Variants in LPA observed in about 807,000 individuals in gnomAD.
LPA encodes the protein lipoprotein(a).
LPA carries 199 observed loss-of-function variants against 197.9 expected under a neutral mutation model. The ratio of observed to expected loss-of-function variants is 1.01; its 90% CI spans 0.90 to 1.13. The LOEUF is 1.13. Among genes scored for constraint, LPA ranks in the 50% most tolerant of loss-of-function variants. LPA has a pLI of 0.00. For missense variants in LPA, 1,853 were observed against 1,785.8 expected (o/e 1.04, Z -0.68); for synonymous variants, 715 against 639.5 (o/e 1.12, Z -1.78).
intron 1 of LPA, among the ~76,000 whole-genome samples, chr6:160,656,624 TAC>T: frequency 6.6e-6 from 1 of 152,292 alleles, no homozygotes; most frequent in South Asian, 2.1e-4. Context: ...CTTTCTCCAG[TAC>T]ACACAGTTAC....
chr6:160,576,396 A>ACATATATATATATATATATATGTG (rs1778674275), intron 28 of LPA, among the ~76,000 whole-genome samples: 2 of 46,938 alleles, frequency 4.3e-5, no homozygotes, highest in East Asian at 2.0e-3. Flanking sequence ...ATATGTATAT[A>ACATATATATATATATATATATGTG]TATATATATA....
Position 160,589,723 on chromosome 6 carries a change from A to G in LPA, c.3788-11T>C, listed in dbSNP as rs780172483. 2.9e-5 allele frequency: 47 copies of G among 1,613,620 alleles called. No homozygotes were observed. Among genetic ancestry groups the G allele is most frequent in the Non-Finnish European group, 4.0e-5 (47 of 1,179,734 alleles). ...TTTGCTCCGTTGGTGCTGAAATTCA[A>G]AGAGGAGAAAACAAACTGAGTAATT... On this transcript the variant is annotated splice_polypyrimidine_tract_variant and intron_variant, in intron 23 of 38. Transcript: ENST00000316300.
intron 28 of LPA, among the ~76,000 whole-genome samples, chr6:160,571,360 C>G (rs1341890933): frequency 6.6e-6 from 1 of 152,072 alleles, no homozygotes; most frequent in African/African-American, 2.4e-5. Flanking sequence ...GAAACCAGGA[C>G]CCACTTGAGG....
At chr6:160,643,106 G>GTC (rs1317313779) in intron 4 of LPA, among the ~76,000 whole-genome samples, 1 of 145,690 alleles carries the variant, frequency 6.9e-6, no homozygotes, top group African/African-American at 2.5e-5. Context: ...GTGTGTGTGT[G>GTC]TGTGTGTGTA....
intron 16 of LPA, among the ~76,000 whole-genome samples, chr6:160,610,559 T>A (rs1779475681): frequency 6.6e-6 from 1 of 152,156 alleles, no homozygotes; most frequent in South Asian, 2.1e-4. Context: ...TTTGCCACAC[T>A]TTCTGTAGAA....
intron 18 of LPA, 62 bp downstream of exon 18, chr6:160,604,984 A>T: frequency 6.2e-7 from 1 of 1,605,906 alleles, no homozygotes; most frequent in Non-Finnish European, 8.5e-7. Context: ...TTGAAGCATG[A>T]CTCTACTAAC....
At chr6:160,558,671 G>A (rs1004138207) in intron 28 of LPA, among the ~76,000 whole-genome samples, 5 of 152,166 alleles carry the variant, frequency 3.3e-5, no homozygotes, top group Admixed American at 2.6e-4. Context: ...AAAGGGCGAT[G>A]GCTGGGTAGA....
intron 1 of LPA, among the ~76,000 whole-genome samples, chr6:160,651,570 T>C (rs188831110): frequency 6.6e-6 from 1 of 152,326 alleles, no homozygotes; most frequent in East Asian, 1.9e-4. Context: ...TTTCAAAGCA[T>C]AAATAATATT....
At chr6:160,592,603 T>C (rs1028063881) in intron 22 of LPA, among the ~76,000 whole-genome samples, 1 of 152,232 alleles carries the variant, frequency 6.6e-6, no homozygotes, top group South Asian at 2.1e-4. Context: ...AGTAAATTTT[T>C]AAATGCAAGT....
intron 32 of LPA, among the ~76,000 whole-genome samples, chr6:160,546,664 A>G (rs1274538267): frequency 3.9e-5 from 6 of 152,132 alleles, no homozygotes. Flanking sequence ...GGGATCTGAC[A>G]CTGTCTCCAG....
At position 160,540,150 on chromosome 6, in the gene LPA, C is replaced by A. The variant is rs768127138; in HGVS notation, c.5628G>T (p.Leu1876=). Residue 1876 remains leucine, a synonymous_variant, in exon 36 of 39, where the codon CTG becomes CTT. Transcript: ENST00000316300. ...CGAGGTTCACTTCTTGGTGTGCACC[C>A]AGGATGACCTTGTAGGATGAAGGCC... The part of the protein sequence containing the change: ...SSRPSSYKVI[L]GAHQEVNLES... 1 of 1,614,046 alleles carries A rather than the reference C, an allele frequency of 6.2e-7. No homozygotes were observed. The highest frequency in any genetic ancestry group is 1.1e-5 in the South Asian group (1 of 91,058).
intron 28 of LPA, among the ~76,000 whole-genome samples, chr6:160,571,512 G>T (rs150917031): frequency 1.6e-3 from 237 of 152,258 alleles, no homozygotes; most frequent in African/African-American, 5.4e-3. Flanking sequence ...CCAGGGAGAT[G>T]GGAGTTTTAT....
chr6:160,536,979 G>C (rs1383050373), intron 37 of LPA, among the ~76,000 whole-genome samples: 1 of 152,192 alleles, frequency 6.6e-6, no homozygotes, highest in East Asian at 1.9e-4. Context: ...AGGGATTAGA[G>C]CCAAGTGGTA....
intron 16 of LPA, among the ~76,000 whole-genome samples, chr6:160,610,426 TG>T (rs1283701857): frequency 2.0e-5 from 3 of 152,170 alleles, no homozygotes; most frequent in East Asian, 3.8e-4. Flanking sequence ...ATTGGCAATG[TG>T]TTCCGTGAGC....
chr6:160,582,317 T>C (rs73784294), intron 26 of LPA, among the ~76,000 whole-genome samples: 1,678 of 152,178 alleles, frequency 0.011, 36 homozygotes, highest in African/African-American at 0.038. Context: ...TTATCTTGTT[T>C]TCCTTCTTAC....
At chr6:160,603,921 G>A (rs1468963805) in intron 18 of LPA, among the ~76,000 whole-genome samples, 2 of 152,124 alleles carry the variant, frequency 1.3e-5, no homozygotes, top group Non-Finnish European at 2.9e-5. Flanking sequence ...GTTCAGTGAG[G>A]TCTCTCCTCC....
intron 28 of LPA, among the ~76,000 whole-genome samples, chr6:160,576,396 A>ATATATATATGTG (rs1778675059): frequency 2.1e-5 from 1 of 46,944 alleles, no homozygotes; most frequent in Non-Finnish European, 3.5e-5. Context: ...ATATGTATAT[A>ATATATATATGTG]TATATATATA....
At chr6:160,538,440 T>C (rs1777926458) in intron 36 of LPA, among the ~76,000 whole-genome samples, 1 of 152,126 alleles carries the variant, frequency 6.6e-6, no homozygotes, top group African/African-American at 2.4e-5. Context: ...TACTAAACCG[T>C]GGTGGTAAGA....
At chr6:160,601,180 T>C (rs1263182166) in intron 18 of LPA, 82 bp from the exon 19 acceptor site, 4 of 1,215,510 alleles carry the variant, frequency 3.3e-6, no homozygotes, top group Non-Finnish European at 4.9e-6. Flanking sequence ...ACAAGGTCAT[T>C]ACTGGTGCCT....
Sources: allele counts gnomAD v4.1 joint callset (sites outside exome capture counted in the v4.1 genomes callset), GRCh38; gene constraint gnomAD v4.1.1; transcripts MANE v1.5; gene names NCBI Gene and HGNC (gene_info 2026-07-23, HGNC 2026-07-21).